IRAG2: variants seen among roughly 807,000 people sequenced by gnomAD.
IRAG2 encodes lymphoid restricted membrane protein.
Under a neutral mutation model 69.9 loss-of-function variants are expected in IRAG2, and 45 were observed. That is an observed-to-expected ratio of 0.64 (90% CI 0.51 to 0.83). The LOEUF (loss-of-function observed/expected upper bound fraction) is 0.83, where lower values mean the gene tolerates loss of function less well. Ranked by LOEUF, IRAG2 falls within the 40% of genes least tolerant of loss-of-function variation. The pLI, the probability that IRAG2 is intolerant of heterozygous loss-of-function variation, is 0.00. For synonymous variants in IRAG2, 193 were observed against 202.4 expected (o/e 0.95, Z 0.40); for missense variants, 520 against 587.0 (o/e 0.89, Z 1.18).
chr12:25,059,095 G>A (rs921921657), intron 1 of IRAG2, among the ~76,000 whole-genome samples: 4 of 152,080 alleles, frequency 2.6e-5, no homozygotes, highest in Admixed American at 6.5e-5. Flanking sequence ...GCTCATCATC[G>A]CTTCTGAAAC....
chr12:25,057,314 G>A (rs966310712), intron 1 of IRAG2, among the ~76,000 whole-genome samples: 1 of 124,460 alleles, frequency 8.0e-6, no homozygotes, highest in African/African-American at 3.0e-5. Context: ...GCTGGACTAT[G>A]GTGGTGGGAT....
At position 25,089,798 on chromosome 12, in the gene IRAG2, T is replaced by G; in HGVS notation, c.465+8T>G. The G allele has an allele frequency of 6.2e-7, 1 of 1,612,836 alleles. No homozygotes were observed. Among genetic ancestry groups the G allele is most frequent in the Middle Eastern group, 1.9e-4 (1 of 5,132 alleles). The stretch of plus-strand genomic sequence containing the variant: ...AATGAGAAGGAGGTGGAGGTGAGTT[T>G]AAAGCAAATTTTTTTTCCTTTTAAA... On this transcript the variant is annotated splice_region_variant and intron_variant, in intron 13 of 21. Transcript: ENST00000556887.
chr12:25,014,957 A>G (rs1281134990), intron 3 of IRAG2, among the ~76,000 whole-genome samples: 1 of 152,040 alleles, frequency 6.6e-6, no homozygotes, highest in African/African-American at 2.4e-5. Context: ...CAGTTTCACT[A>G]GGAACACAGA....
intron 14 of IRAG2, chr12:25,090,994 G>T (rs1948012575): frequency 3.3e-6 from 1 of 304,462 alleles, no homozygotes; most frequent in African/African-American, 2.2e-5. Context: ...TGGGGGTGCA[G>T]AGGAGTGTAA....
At chr12:25,025,874 G>A (rs889135120) in intron 8 of IRAG2, among the ~76,000 whole-genome samples, 1 of 152,202 alleles carries the variant, frequency 6.6e-6, no homozygotes, top group Non-Finnish European at 1.5e-5. Flanking sequence ...TCAGCTGAGA[G>A]TGAGGATGTT....
chr12:25,012,584 T>C (rs543398857), intron 3 of IRAG2, among the ~76,000 whole-genome samples: 30 of 152,140 alleles, frequency 2.0e-4, no homozygotes, highest in Middle Eastern at 3.4e-3. Context: ...TCCCAGCATT[T>C]TGGGAGGCTG....
At chr12:25,030,888 A>G in intron 10 of IRAG2, 2 of 278,022 alleles carry the variant, frequency 7.2e-6, no homozygotes, top group Non-Finnish European at 1.1e-5. Context: ...GCAGCCATTC[A>G]TTTTAGGGTG....
At chr12:25,002,762 C>T (rs1944401623), upstream of IRAG2, among the ~76,000 whole-genome samples, 1 of 152,048 alleles carries the variant, frequency 6.6e-6, no homozygotes, top group Non-Finnish European at 1.5e-5. Context: ...CTGCCTCAGC[C>T]TCCCAAGTAG....
chr12:25,004,832 A>G, exon 1 of IRAG2: 5 of 1,232,082 alleles, frequency 4.1e-6, no homozygotes, highest in Non-Finnish European at 5.1e-6. Flanking sequence ...TTAACACTTG[A>G]CTTTGATTCC....
chr12:25,079,940 T>C (rs1215460576), intron 9 of IRAG2, among the ~76,000 whole-genome samples, 177 bp downstream of exon 9: 4 of 152,242 alleles, frequency 2.6e-5, no homozygotes, highest in Non-Finnish European at 5.9e-5. Flanking sequence ...AAGTGGTAAC[T>C]AACCATGGCC....
intron 1 of IRAG2, among the ~76,000 whole-genome samples, chr12:25,060,056 T>C (rs1945520106): frequency 6.6e-6 from 1 of 152,188 alleles, no homozygotes; most frequent in Non-Finnish European, 1.5e-5. Flanking sequence ...AAAAAAGTGG[T>C]AGCTATTAAT....
intron 10 of IRAG2, chr12:25,031,156 CA>C (rs1944664791): frequency 3.8e-6 from 3 of 793,046 alleles, no homozygotes; most frequent in Non-Finnish European, 4.6e-6. Context: ...TTTGAAGTTT[CA>C]AAAGAAACAT....
intron 3 of IRAG2, among the ~76,000 whole-genome samples, chr12:25,014,889 T>G (rs1565526344): frequency 1.3e-5 from 2 of 151,564 alleles, no homozygotes; most frequent in Non-Finnish European, 2.9e-5. Context: ...CTTTTTCATA[T>G]TAGGTAAAAG....
At chr12:25,023,081 G>A (rs369160593) in intron 7 of IRAG2, among the ~76,000 whole-genome samples, 6 of 146,696 alleles carry the variant, frequency 4.1e-5, no homozygotes, top group South Asian at 2.1e-4. Flanking sequence ...AACCGAGATC[G>A]CACTATTGTA....
chr12:25,037,879 T>G, intron 15 of IRAG2: 1 of 396,964 alleles, frequency 2.5e-6, no homozygotes, highest in Non-Finnish European at 4.4e-6. Context: ...AGTATGCCAT[T>G]GAGATGGAAT....
chr12:25,008,942 T>A (rs1944453106), intron 2 of IRAG2, among the ~76,000 whole-genome samples: 1 of 152,258 alleles, frequency 6.6e-6, no homozygotes, highest in Non-Finnish European at 1.5e-5. Context: ...CTTCATATGC[T>A]ATACCATTTT....
At chr12:25,041,426 A>G (rs1224300241) in intron 16 of IRAG2, among the ~76,000 whole-genome samples, 1 of 152,008 alleles carries the variant, frequency 6.6e-6, no homozygotes, top group African/African-American at 2.4e-5. Flanking sequence ...ATGAAGAATT[A>G]TTTATAGAGG....
At chr12:25,060,672 T>G (rs1945566435) in intron 1 of IRAG2, among the ~76,000 whole-genome samples, 1 of 146,662 alleles carries the variant, frequency 6.8e-6, no homozygotes, top group African/African-American at 2.5e-5. Flanking sequence ...TATTTTCTTT[T>G]TTTTTTTTTT....
chr12:25,103,425 A>G lies in IRAG2; in HGVS notation c.934-412A>G, dbSNP rs1188128820. The G allele has an allele frequency of 3.1e-5, 5 of 160,472 alleles. No homozygotes were observed. The South Asian group carries it at 7.0e-4, about 22-fold the overall frequency. The allele number at this position is 160,472 out of a possible 1,614,324, so 9.9% of individuals were successfully genotyped here. Reference sequence around the variant, plus strand: ...AGATTTGGCTGGATTAACAACAAAAAATTTCTGCCAGAAATATGAAAATTC... The same window carrying G: ...AGATTTGGCTGGATTAACAACAAAAGATTTCTGCCAGAAATATGAAAATTC... On this transcript the variant is annotated intron_variant, in intron 17 of 21. Coordinates refer to ENST00000556887, the MANE Select transcript of IRAG2 (RefSeq NM_001366544.2).
Sources: gnomAD v4.1 joint callset for allele counts (sites outside exome capture counted in the v4.1 genomes callset) on GRCh38, gnomAD v4.1.1 for gene constraint, MANE v1.5 for transcripts, NCBI Gene and HGNC (gene_info 2026-07-23, HGNC 2026-07-21) for gene names.